ATP6V0A1: variants seen among roughly 807,000 people sequenced by gnomAD.
ATP6V0A1 encodes ATPase H+ transporting V0 subunit a1, also known as V-type proton ATPase 116 kDa subunit a 1.
In ATP6V0A1, 43 loss-of-function variants were observed where a neutral mutation model predicts 105.4. The ratio of observed to expected loss-of-function variants is 0.41; its 90% confidence interval spans 0.32 to 0.53. The LOEUF is 0.53. Ranked by LOEUF, ATP6V0A1 falls within the 20% of genes least tolerant of loss-of-function variation. The probability of loss-of-function intolerance (pLI) is 0.30; values close to 1 mark genes in which losing one functional copy is unlikely to be tolerated. For missense variants in ATP6V0A1, 676 were observed against 1,051.1 expected, an observed-to-expected ratio of 0.64 and a Z score of 4.93; for synonymous variants, 362 against 372.8, an observed-to-expected ratio of 0.97 and a Z score of 0.33.
intron 2 of ATP6V0A1, among the ~76,000 whole-genome samples, chr17:42,462,239 G>A (rs952385212): frequency 8.6e-5 from 13 of 151,380 alleles, no homozygotes; most frequent in Admixed American, 5.3e-4. Flanking sequence ...AAAAAGAGGT[G>A]GGGGGAGTAT....
chr17:42,513,878 C>G lies in ATP6V0A1; in HGVS notation c.2148C>G (p.Thr716=). ...CACGACAGTTTGACTTTGGGGACAC[C>G]ATGGTCCACCAGGCCATCCACACCA... ...SEDEVFDFGD[T]MVHQAIHTIE... The change falls in exon 20 of 22, where the codon ACC becomes ACG. Residue 716 remains threonine (T), a synonymous_variant. Transcript: ENST00000343619. The G allele has an allele frequency of 6.2e-7, 1 of 1,614,068 alleles. No individual in the cohort carries two copies. The highest frequency in any genetic ancestry group is 8.5e-7 in the Non-Finnish European group (1 of 1,179,966).
At chr17:42,514,534 C>A in intron 21 of ATP6V0A1, 74 bp downstream of exon 21, 1 of 1,405,342 alleles carries the variant, frequency 7.1e-7, no homozygotes, top group Non-Finnish European at 9.6e-7. Context: ...AGCTTTTCTC[C>A]CACACACAGC....
At position 42,514,469 on chromosome 17, in the gene ATP6V0A1, C is replaced by T. The variant is rs1285524130; in HGVS notation, c.2420+9C>T. ...GCACTGCGCTTACACTGGTGAGGGGCAGTGGGGCAGGGCGGGCATGGGGGT... is the reference window on the plus strand; with the variant it reads ...GCACTGCGCTTACACTGGTGAGGGGTAGTGGGGCAGGGCGGGCATGGGGGT... On this transcript the variant is annotated intron_variant, in intron 21 of 21. Coordinates refer to ENST00000343619, the MANE Select transcript of ATP6V0A1 (RefSeq NM_001130021.3). The T allele has an allele frequency of 1.3e-6, 2 of 1,578,072 alleles. No individual in the cohort carries two copies. The highest frequency in any genetic ancestry group is 2.3e-5 in the East Asian group (1 of 44,318).
intron 11 of ATP6V0A1, among the ~76,000 whole-genome samples, chr17:42,491,484 T>G (rs2090621706): frequency 6.6e-6 from 1 of 150,752 alleles, no homozygotes; most frequent in African/African-American, 2.4e-5. Context: ...CTAATTTTTT[T>G]TTTATTTTTT....
intron 20 of ATP6V0A1, 82 bp from the exon 21 acceptor site, chr17:42,514,207 C>T (rs950658427): frequency 6.7e-7 from 1 of 1,497,166 alleles, no homozygotes; most frequent in Non-Finnish European, 9.0e-7. Flanking sequence ...AACCCTAGAG[C>T]AGGGGGATGG....
Position 42,487,171 on chromosome 17 carries a change from A to G in ATP6V0A1, c.827A>G (p.Glu276Gly). Residue 276 changes from glutamate to glycine, a missense_variant, in exon 10 of 22, where the codon GAG becomes GGG. Glu to Gly is a moderately conservative substitution (Grantham distance 98, BLOSUM62 -2). This residue lies in a region of ATP6V0A1 where 239 missense variants were observed against 388.4 expected (regional missense o/e 0.62). Coordinates refer to ENST00000343619, the MANE Select transcript of ATP6V0A1 (RefSeq NM_001130021.3). ...DDLQMVLNQTEDHRQRVLQAA... is the reference protein window; with the variant it reads ...DDLQMVLNQTGDHRQRVLQAA... ...TCCCCAAAGGTTCTGAATCAAACGG[A>G]GGATCACCGCCAGAGGGTTCTGCAG... 6.2e-7 allele frequency: 1 copy of G among 1,614,164 alleles called. No individual in the cohort carries two copies. Among genetic ancestry groups the G allele is most frequent in the Non-Finnish European group, 8.5e-7 (1 of 1,180,036 alleles).
intron 15 of ATP6V0A1, among the ~76,000 whole-genome samples, chr17:42,499,289 G>A (rs1240891423): frequency 6.6e-6 from 1 of 152,068 alleles, no homozygotes; most frequent in Non-Finnish European, 1.5e-5. Flanking sequence ...TGGCCAACAC[G>A]ATGAAACCCC....
At chr17:42,472,975 G>A (rs2088192766) in intron 5 of ATP6V0A1, among the ~76,000 whole-genome samples, 1 of 152,152 alleles carries the variant, frequency 6.6e-6, no homozygotes, top group Non-Finnish European at 1.5e-5. Context: ...AAAACTGCTG[G>A]GCTAGAGAAG....
intron 14 of ATP6V0A1, among the ~76,000 whole-genome samples, chr17:42,497,159 C>G (rs1239567755): frequency 6.6e-6 from 1 of 150,868 alleles, no homozygotes; most frequent in Non-Finnish European, 1.5e-5. Flanking sequence ...AAAAATTGGC[C>G]GGGTGTGGTG....
At chr17:42,510,102 C>G (rs892259990) in intron 19 of ATP6V0A1, 1 of 152,182 alleles carries the variant, frequency 6.6e-6, no homozygotes, top group Non-Finnish European at 1.5e-5. Flanking sequence ...CTCTTCCTAG[C>G]GGGAACTCAG....
At chr17:42,477,555 A>AT in intron 5 of ATP6V0A1, 105 bp from the exon 6 acceptor site, 1 of 1,168,182 alleles carries the variant, frequency 8.6e-7, no homozygotes, top group Non-Finnish European at 1.2e-6. Flanking sequence ...TTTCATCCTT[A>AT]TTTTCTGAAC....
intron 17 of ATP6V0A1, among the ~76,000 whole-genome samples, chr17:42,502,298 C>T (rs1471281264): frequency 6.6e-6 from 1 of 152,218 alleles, no homozygotes; most frequent in African/African-American, 2.4e-5. Flanking sequence ...TGGGTGAACT[C>T]ACTCATGCGG....
chr17:42,508,441 C>A, intron 18 of ATP6V0A1, 131 bp from the exon 19 acceptor site: 1 of 1,138,128 alleles, frequency 8.8e-7, no homozygotes, highest in Non-Finnish European at 1.3e-6. Flanking sequence ...GCTGAGGAGG[C>A]CTGCCTCCAA....
chr17:42,505,635 GCTGA>G (rs1412810418), intron 17 of ATP6V0A1, among the ~76,000 whole-genome samples: 1 of 152,186 alleles, frequency 6.6e-6, no homozygotes, highest in Non-Finnish European at 1.5e-5. Context: ...ACTGTGCCCA[GCTGA>G]CTATCACTCT....
intron 12 of ATP6V0A1, 171 bp downstream of exon 12, chr17:42,494,644 T>C: frequency 1.3e-6 from 1 of 799,778 alleles, no homozygotes; most frequent in Non-Finnish European, 1.9e-6. Flanking sequence ...AGTGGTAGTG[T>C]GTGCCTGTAG....
At position 42,521,084 on chromosome 17, in the gene ATP6V0A1, C is replaced by T; in HGVS notation, c.2478C>T (p.Ser826=). ...CCGGTTTCAAGTTCTTACCCTTCTC[C>T]TTCGAGCATATTCGGGAAGGGAAGT... is the stretch of plus-strand genomic sequence containing the variant. The part of the protein sequence containing the change: ...SGTGFKFLPF[S]FEHIREGKFE... Residue 826 remains serine, a synonymous_variant, in exon 22 of 22, where the codon TCC becomes TCT. Transcript: ENST00000343619. The surrounding 1 kb of genome is among the most constrained non-coding windows in gnomAD (Gnocchi z 4.8). The T allele has an allele frequency of 1.2e-6, 2 of 1,610,356 alleles. No homozygotes were observed. The highest frequency in any genetic ancestry group is 1.7e-6 in the Non-Finnish European group (2 of 1,178,280).
intron 2 of ATP6V0A1, among the ~76,000 whole-genome samples, chr17:42,465,372 C>A (rs766036007): frequency 2.4e-4 from 37 of 151,896 alleles, no homozygotes; most frequent in Non-Finnish European, 5.1e-4. Flanking sequence ...CTCACTGCAA[C>A]CTCAGCTTCC....
In ATP6V0A1 at chr17:42,495,654, C is replaced by T. The variant is rs369890142; in HGVS notation, c.1498C>T (p.Leu500=). The part of the protein sequence containing the change: ...TEETLRGNPV[L]QLNPALPGVF... ...AGAGACGCTTCGGGGGAACCCTGTT[C>T]TACAGCTGAACCCAGCCCTCCCTGG... The change falls in exon 14 of 22, where the codon CTA becomes TTA. Residue 500 remains leucine, a synonymous_variant. Coordinates refer to ENST00000343619, the MANE Select transcript of ATP6V0A1 (RefSeq NM_001130021.3). The T allele has an allele frequency of 1.2e-6, 2 of 1,613,936 alleles. No homozygotes were observed. Among genetic ancestry groups the T allele is most frequent in the African/African-American group, 2.7e-5 (2 of 74,926 alleles).
chr17:42,491,695 C>A (rs2090644407), intron 11 of ATP6V0A1, among the ~76,000 whole-genome samples: 1 of 152,166 alleles, frequency 6.6e-6, no homozygotes, highest in African/African-American at 2.4e-5. Context: ...GTTGCCCAGG[C>A]TGATCTCTAA....
Sources: allele counts gnomAD v4.1 joint callset (sites outside exome capture counted in the v4.1 genomes callset), GRCh38; gene constraint gnomAD v4.1.1; regional missense constraint gnomAD v4.1.1; non-coding constraint Gnocchi (gnomAD v3.1); transcripts MANE v1.5; gene names NCBI Gene and HGNC (gene_info 2026-07-23, HGNC 2026-07-21).